Variants in COL4A3 observed in about 807,000 individuals in gnomAD.
COL4A3 encodes the protein collagen alpha-3(IV) chain.
In COL4A3, 135 loss-of-function variants were observed where a neutral mutation model predicts 217.4. The ratio of observed to expected loss-of-function variants is 0.62; its 90% CI spans 0.54 to 0.72. The LOEUF is 0.72. Ranked by LOEUF, COL4A3 falls within the 30% of genes least tolerant of loss-of-function variation. The pLI, the probability that COL4A3 is intolerant of heterozygous loss-of-function variation, is 0.00. For synonymous variants in COL4A3, 690 were observed against 736.3 expected (o/e 0.94, Z 1.02); for missense variants, 1,868 against 2,119.9 (o/e 0.88, Z 2.33).
At chr2:227,275,182 T>C (rs892786158) in intron 26 of COL4A3, among the ~76,000 whole-genome samples, 2 of 151,958 alleles carry the variant, frequency 1.3e-5, no homozygotes, top group African/African-American at 4.8e-5. Context: ...TTGTTGTTGT[T>C]GTTGTTGTTG....
intron 43 of COL4A3, among the ~76,000 whole-genome samples, chr2:227,301,459 C>A (rs1310793450): frequency 6.6e-6 from 1 of 152,182 alleles, no homozygotes; most frequent in Non-Finnish European, 1.5e-5. Context: ...TATTTGATTT[C>A]CAGAATCTAA....
At chr2:227,177,202 T>A (rs1330248602) in intron 1 of COL4A3, among the ~76,000 whole-genome samples, 1 of 149,178 alleles carries the variant, frequency 6.7e-6, no homozygotes, top group Admixed American at 6.8e-5. Context: ...CAGGCTGGAG[T>A]GCAGTGGCGC....
intron 3 of COL4A3, among the ~76,000 whole-genome samples, chr2:227,242,078 G>C (rs1475660674): frequency 6.6e-6 from 1 of 152,098 alleles, no homozygotes; most frequent in Non-Finnish European, 1.5e-5. Context: ...AAATACCTGG[G>C]GTTAGTGCAG....
chr2:227,203,721 A>G (rs545397352), intron 1 of COL4A3, among the ~76,000 whole-genome samples: 1 of 68,732 alleles, frequency 1.5e-5, no homozygotes, highest in East Asian at 4.9e-4. Context: ...ATATACATAT[A>G]TGTGTGTATA....
At chr2:227,283,907 T>A in intron 33 of COL4A3, 51 bp downstream of exon 33, 4 of 1,477,384 alleles carry the variant, frequency 2.7e-6, no homozygotes, top group Non-Finnish European at 3.8e-6. Flanking sequence ...ACAATGTTCA[T>A]TTATTTTGCA....
intron 43 of COL4A3, among the ~76,000 whole-genome samples, chr2:227,299,683 T>C (rs2073194503): frequency 6.6e-6 from 1 of 152,206 alleles, no homozygotes; most frequent in Non-Finnish European, 1.5e-5. Context: ...TTTTGATGCA[T>C]CTGTGCAGTG....
At chr2:227,213,005 G>A (rs1251864997) in intron 1 of COL4A3, among the ~76,000 whole-genome samples, 1 of 152,122 alleles carries the variant, frequency 6.6e-6, no homozygotes, top group Non-Finnish European at 1.5e-5. Context: ...AGCCTTGGCC[G>A]TTCATAAACA....
chr2:227,261,873 T>A (rs2070593406), intron 20 of COL4A3, among the ~76,000 whole-genome samples: 1 of 152,228 alleles, frequency 6.6e-6, no homozygotes, highest in South Asian at 2.1e-4. Flanking sequence ...TTAGAGTGTT[T>A]ACCTTTTGAG....
chr2:227,220,901 C>A (rs1301323455), intron 1 of COL4A3, among the ~76,000 whole-genome samples: 1 of 152,112 alleles, frequency 6.6e-6, no homozygotes, highest in African/African-American at 2.4e-5. Flanking sequence ...GATACCTTTC[C>A]ATATATATGG....
At chr2:227,190,637 G>A (rs1342870450) in intron 1 of COL4A3, among the ~76,000 whole-genome samples, 1 of 152,192 alleles carries the variant, frequency 6.6e-6, no homozygotes, top group Non-Finnish European at 1.5e-5. Context: ...GGTAGTCTGG[G>A]CATCGTGGCT....
intron 1 of COL4A3, among the ~76,000 whole-genome samples, chr2:227,167,566 T>C (rs1443664715): frequency 6.6e-6 from 1 of 152,264 alleles, no homozygotes; most frequent in Non-Finnish European, 1.5e-5. Flanking sequence ...GGTTTATCCT[T>C]CTTCTTGCCT....
chr2:227,267,937 C>A (rs887662425), intron 23 of COL4A3, among the ~76,000 whole-genome samples: 1 of 152,224 alleles, frequency 6.6e-6, no homozygotes, highest in Non-Finnish European at 1.5e-5. Flanking sequence ...CCTCTGCTTT[C>A]GACCTCCCCG....
intron 1 of COL4A3, among the ~76,000 whole-genome samples, chr2:227,214,754 T>C (rs2067462543): frequency 2.0e-5 from 3 of 152,228 alleles, no homozygotes; most frequent in African/African-American, 4.8e-5. Flanking sequence ...AATCGCTACC[T>C]AGTCCTTTGA....
At chr2:227,273,814 G>A (rs949857948) in intron 26 of COL4A3, among the ~76,000 whole-genome samples, 1 of 152,184 alleles carries the variant, frequency 6.6e-6, no homozygotes, top group East Asian at 1.9e-4. Flanking sequence ...TAGTTTAAAA[G>A]TCCAGGTAAC....
Position 227,195,667 on chromosome 2 carries a change from A to ATATGTGTGTGTG in COL4A3, c.87+30855_87+30856insATGTGTGTGTGT, listed in dbSNP as rs1226857286. Among the ~76,000 whole-genome samples, 593 of 139,954 alleles carry ATATGTGTGTGTG rather than the reference A, an allele frequency of 4.2e-3. 4 individuals are homozygous for ATATGTGTGTGTG. The highest frequency in any genetic ancestry group is 0.012 in the African/African-American group (437 of 36,856). 91.8% of individuals were successfully genotyped at this position (139,954 alleles called of 152,430 possible). ...GAGTCTATGCCACATATATATATAT[A>ATATGTGTGTGTG]TGTGTGTGTGTGTGTGTGTGTGTGT... On this transcript the variant is annotated intron_variant, in intron 1 of 51. Coordinates refer to ENST00000396578, the MANE Select transcript of COL4A3 (RefSeq NM_000091.5).
rs779067213 is a variant in COL4A3, at chr2:227,257,637, GT to G, written c.1023del (p.Gly342ValfsTer58). 1.2e-6 allele frequency: 2 copies of G among 1,613,700 alleles called. No homozygotes were observed. The highest frequency in any genetic ancestry group is 8.5e-7 in the Non-Finnish European group (1 of 1,179,614). On this transcript the variant is annotated frameshift_variant, in exon 18 of 52. Coordinates refer to ENST00000396578, the MANE Select transcript of COL4A3 (RefSeq NM_000091.5). LOFTEE classifies it high-confidence loss of function. ...QKGDIGPPGFRGPTEYYDTYQ... is the reference protein window; with the variant it reads ...QKGDIGPPGFXGPTEYYDTYQ... Reference sequence around the variant, plus strand: ...GGGGACATTGGCCCTCCAGGATTTCGTGGTCCAGTAAGTGTGATTAAAGACA... The same window carrying G: ...GGGGACATTGGCCCTCCAGGATTTCGGGTCCAGTAAGTGTGATTAAAGACA...
At chr2:227,232,438 G>C (rs2068456559) in intron 1 of COL4A3, among the ~76,000 whole-genome samples, 1 of 152,194 alleles carries the variant, frequency 6.6e-6, no homozygotes, top group African/African-American at 2.4e-5. Flanking sequence ...GTTTTTTGAG[G>C]AACCTCCACA....
chr2:227,252,088 A>G (rs1034504579), intron 11 of COL4A3, among the ~76,000 whole-genome samples: 1 of 151,122 alleles, frequency 6.6e-6, no homozygotes, highest in Non-Finnish European at 1.5e-5. Flanking sequence ...AAAAAAAAAA[A>G]AAACAGAAGT....
At chr2:227,260,636 T>C (rs943657731) in intron 19 of COL4A3, among the ~76,000 whole-genome samples, 14 of 152,230 alleles carry the variant, frequency 9.2e-5, no homozygotes, top group African/African-American at 3.1e-4. Flanking sequence ...TTGATATAGA[T>C]TTTCTTAAAA....
Sources: gnomAD v4.1 joint callset for allele counts (sites outside exome capture counted in the v4.1 genomes callset) on GRCh38, gnomAD v4.1.1 for gene constraint, MANE v1.5 for transcripts, NCBI Gene and HGNC (gene_info 2026-07-23, HGNC 2026-07-21) for gene names.